CTC1: variants seen among roughly 807,000 people sequenced by gnomAD.
The protein encoded by CTC1 is CST telomere replication complex component 1.
A neutral mutation model predicts 136.3 loss-of-function variants in CTC1; 91 were observed. The observed-to-expected ratio is 0.67, with a 90% CI of 0.56 to 0.79. The LOEUF is 0.79. CTC1 is among the 30% of genes least tolerant of loss of function. The pLI, the probability that CTC1 is intolerant of heterozygous loss-of-function variation, is 0.00. For synonymous variants in CTC1, 606 were observed against 613.8 expected (o/e 0.99, Z 0.19); for missense variants, 1,432 against 1,498.1 (o/e 0.96, Z 0.73).
chr17:8,235,613 G>A (rs767540953), intron 7 of CTC1, among the ~76,000 whole-genome samples: 13 of 152,164 alleles, frequency 8.5e-5, no homozygotes, highest in Non-Finnish European at 1.6e-4. Flanking sequence ...GCCCTTCTGT[G>A]AAGGAGATGC....
Position 8,232,492 on chromosome 17 carries a change from TTC to T in CTC1, c.1946-19_1946-18del. The T allele has an allele frequency of 6.2e-7, 1 of 1,608,084 alleles. No homozygotes were observed. The highest frequency in any genetic ancestry group is 8.5e-7 in the Non-Finnish European group (1 of 1,175,692). On this transcript the variant is annotated intron_variant, in intron 11 of 22. Coordinates refer to ENST00000651323, the MANE Select transcript of CTC1 (RefSeq NM_025099.6). ...CCAGGCAGCCTAGAGGAAGAAAGTT[TTC>T]TGTTTTGACAAGAAAGGAGACCTGT...
At chr17:8,242,064 C>T (rs767635569) in intron 2 of CTC1, among the ~76,000 whole-genome samples, 5 of 151,686 alleles carry the variant, frequency 3.3e-5, no homozygotes, top group African/African-American at 4.8e-5. Flanking sequence ...GAGTTTCGCT[C>T]TTGTTGCCCA....
rs71159569 is a variant in CTC1, at chr17:8,241,605, C to CA, written c.197+1379dup. Among the ~76,000 whole-genome samples the CA allele has an allele frequency of 1.4e-3, 131 of 94,522 alleles. 2 individuals are homozygous for CA. Among genetic ancestry groups the CA allele is most frequent in the Middle Eastern group, 5.0e-3 (1 of 202 alleles). The allele number at this position is 94,522 out of a possible 152,430, so 62.0% of individuals were successfully genotyped here. ...TGGGCAACAGAATGAGACTCCGTCT[C>CA]AAAAAAAAAAAAAAAAAAAGCAGGC... On this transcript the variant is annotated intron_variant, in intron 2 of 22. Transcript: ENST00000651323.
At chr17:8,232,795 G>T in intron 11 of CTC1, 111 bp downstream of exon 11, 1 of 1,370,874 alleles carries the variant, frequency 7.3e-7, no homozygotes, top group Non-Finnish European at 1.0e-6. Flanking sequence ...TGATTGACAT[G>T]TGTCACTTCT....
intron 2 of CTC1, among the ~76,000 whole-genome samples, chr17:8,241,304 A>G (rs1465453713): frequency 6.7e-6 from 1 of 149,726 alleles, no homozygotes; most frequent in Non-Finnish European, 1.5e-5. Context: ...CAAACAAAAA[A>G]AGAAGTATAA....
In CTC1 at chr17:8,242,548, AAAAAAAT is replaced by A. The variant is rs1235173041; in HGVS notation, c.197+430_197+436del. Among the ~76,000 whole-genome samples the A allele has an allele frequency of 7.9e-3, 629 of 79,316 alleles. 1 individual carries two copies. Among genetic ancestry groups the A allele is most frequent in the Non-Finnish European group, 0.01 (349 of 34,544 alleles). 52.0% of individuals were successfully genotyped at this position (79,316 alleles called of 152,430 possible). On this transcript the variant is annotated intron_variant, in intron 2 of 22. Transcript: ENST00000651323. The stretch of plus-strand genomic sequence containing the variant: ...AGTGTAGAGAGAAAAAAAAAAAAAA[AAAAAAAT>A]ATATATATATATATATATATATATA...
chr17:8,227,059 C>G lies in CTC1; in HGVS notation c.*1121G>C, dbSNP rs1443064785. 1.3e-5 allele frequency: 2 copies of G among 151,090 alleles called. No homozygotes were observed. The highest frequency in any genetic ancestry group is 5.0e-5 in the African/African-American group (2 of 40,168). The allele number at this position is 151,090 out of a possible 1,614,324, so 9.4% of individuals were successfully genotyped here. On this transcript the variant is annotated 3_prime_UTR_variant, in exon 23 of 23. Coordinates refer to ENST00000651323, the MANE Select transcript of CTC1 (RefSeq NM_025099.6). ...ACCACGCTCTAACCAACTGAGCTAA[C>G]CGGCCACTAACTTTCCGGGTCTACT...
At position 8,238,155 on chromosome 17, in the gene CTC1, C is replaced by T. The variant is rs1159197717; in HGVS notation, c.523G>A (p.Gly175Arg). Residue 175 changes from glycine (G) to arginine (R), a missense_variant, in exon 4 of 23, where the codon GGG (glycine) becomes AGG (arginine). By Grantham distance (125) the Gly-to-Arg change is moderately radical. Transcript: ENST00000651323. ...YLPPARWNSS[G>R]EGHLELWDAP... ...TCCCACAGCTCCAAGTGCCCTTCCC[C>T]TGAGGAATTCCACCTGGCAGGAGGG... The T allele has an allele frequency of 6.2e-7, 1 of 1,614,136 alleles. No individual in the cohort carries two copies. Among genetic ancestry groups the T allele is most frequent in the South Asian group, 1.1e-5 (1 of 91,082 alleles).
intron 1 of CTC1, 117 bp from the exon 2 acceptor site, chr17:8,243,265 A>G: frequency 3.3e-6 from 3 of 913,162 alleles, no homozygotes. Flanking sequence ...CACGCCTGTA[A>G]TCCCAACACT....
chr17:8,235,081 T>C lies in CTC1; in HGVS notation c.1411A>G (p.Thr471Ala). ...CAGGCCAGCTCCTCCAGGGCCTTGGTAGCCCACAGGTAGAGGGGAAGTCCT... is the reference window on the plus strand; with the variant it reads ...CAGGCCAGCTCCTCCAGGGCCTTGGCAGCCCACAGGTAGAGGGGAAGTCCT... ...QLGLPLYLWA[T>A]KALEELACKL... The change falls in exon 8 of 23, where the codon ACC (threonine) becomes GCC (alanine). Residue 471 changes from threonine (T) to alanine (A), a missense_variant. Transcript: ENST00000651323. 1.2e-6 allele frequency: 2 copies of C among 1,614,138 alleles called. No individual in the cohort carries two copies. The highest frequency in any genetic ancestry group is 1.1e-5 in the South Asian group (1 of 91,090).
intron 17 of CTC1, 88 bp from the exon 18 acceptor site, chr17:8,230,056 TG>T (rs1437289565): frequency 7.8e-7 from 1 of 1,277,222 alleles, no homozygotes; most frequent in Non-Finnish European, 1.1e-6. Flanking sequence ...CACCACAGAG[TG>T]GCCACTCCCC....
intron 1 of CTC1, among the ~76,000 whole-genome samples, chr17:8,245,034 C>A (rs996193937): frequency 6.6e-6 from 1 of 152,136 alleles, no homozygotes; most frequent in African/African-American, 2.4e-5. Context: ...CCTTAGCAAA[C>A]TAATCCAAGA....
At chr17:8,241,605 C>CAA (rs71159569) in intron 2 of CTC1, among the ~76,000 whole-genome samples, 2 of 94,576 alleles carry the variant, frequency 2.1e-5, no homozygotes, top group African/African-American at 4.0e-5. Flanking sequence ...GACTCCGTCT[C>CAA]AAAAAAAAAA....
chr17:8,228,643 G>T lies in CTC1; in HGVS notation c.3388-14C>A, dbSNP rs778378098. ...CCTGGCTGAAGACTAGAAAGAGAAG[G>T]TCAAGGTTAACTGGCTCCTAAACCC... On this transcript the variant is annotated splice_polypyrimidine_tract_variant and intron_variant, in intron 21 of 22. Transcript: ENST00000651323. The T allele has an allele frequency of 1.2e-6, 2 of 1,614,042 alleles. No individual in the cohort carries two copies. Among genetic ancestry groups the T allele is most frequent in the African/African-American group, 2.7e-5 (2 of 74,906 alleles).
In CTC1 at chr17:8,235,050, C is replaced by T; in HGVS notation, c.1439+3G>A. The T allele has an allele frequency of 6.2e-7, 1 of 1,613,708 alleles. No homozygotes were observed. Among genetic ancestry groups the T allele is most frequent in the Non-Finnish European group, 8.5e-7 (1 of 1,179,696 alleles). Reference sequence around the variant, plus strand: ...CCCCGCCCTGGGCCCTCAGCCTCCTCACTTGCAGGCCAGCTCCTCCAGGGC... The same window carrying T: ...CCCCGCCCTGGGCCCTCAGCCTCCTTACTTGCAGGCCAGCTCCTCCAGGGC... On this transcript the variant is annotated splice_donor_region_variant and intron_variant, in intron 8 of 22. Transcript: ENST00000651323.
chr17:8,242,599 C>T (rs1988368753), intron 2 of CTC1, among the ~76,000 whole-genome samples: 1 of 143,430 alleles, frequency 7.0e-6, no homozygotes, highest in African/African-American at 2.6e-5. Flanking sequence ...TATATAAACA[C>T]ACTCTCGGAA....
Position 8,228,225 on chromosome 17 carries a change from C to G in CTC1, c.3609G>C (p.Glu1203Asp). 1 of 1,614,090 alleles carries G rather than the reference C, an allele frequency of 6.2e-7. No individual in the cohort carries two copies. Among genetic ancestry groups the G allele is most frequent in the Non-Finnish European group, 8.5e-7 (1 of 1,179,992 alleles). Residue 1203 changes from glutamate to aspartate, a missense_variant, in exon 23 of 23, where the codon GAG becomes GAC. Transcript: ENST00000651323. ...TCCCCAGAGAGCTGGAGTACTCTGA[C>G]TCTCGGATAGAAAGGCAGGACAATC... ...RLRLSCLSIR[E>D]SEYSSSLGIL...
chr17:8,247,305 C>CTTT (rs772948223), intron 1 of CTC1, among the ~76,000 whole-genome samples: 1,076 of 91,256 alleles, frequency 0.012, 91 homozygotes, highest in African/African-American at 0.04. Flanking sequence ...CCTTCCGGCG[C>CTTT]TTTTTTTTTT....
rs1027113557 is a variant in CTC1, at chr17:8,240,677, T to C, written c.198-2048A>G. On this transcript the variant is annotated intron_variant, in intron 2 of 22. Transcript: ENST00000651323. ...GGAGGATCACCTGAGGTCAGGAGTT[T>C]GAGACCAGCCTGGCCAACATGGTGA... 9.1e-5 allele frequency among the ~76,000 whole-genome samples: 13 copies of C among 142,082 alleles called. No individual in the cohort carries two copies. The East Asian group carries it at 9.4e-4, about 10-fold the overall frequency. The allele number at this position is 142,082 out of a possible 152,430, so 93.2% of individuals were successfully genotyped here.
Sources: gnomAD v4.1 joint callset for allele counts (sites outside exome capture counted in the v4.1 genomes callset) on GRCh38, gnomAD v4.1.1 for gene constraint, MANE v1.5 for transcripts, NCBI Gene and HGNC (gene_info 2026-07-23, HGNC 2026-07-21) for gene names.